The following DCDC2C variants were observed in gnomAD, a reference collection of about 807,000 sequenced individuals.
DCDC2C encodes the protein doublecortin domain-containing protein 2C.
Under a neutral mutation model 45.0 loss-of-function variants are expected in DCDC2C, and 44 were observed. The observed-to-expected ratio is 0.98, with a 90% CI of 0.77 to 1.26. The LOEUF is 1.26. DCDC2C is among the 50% of genes most tolerant of loss of function. DCDC2C has a pLI of 0.00. For missense variants in DCDC2C, 447 were observed against 468.9 expected, an observed-to-expected ratio of 0.95 and a Z score of 0.43; for synonymous variants, 187 against 178.8, an observed-to-expected ratio of 1.05 and a Z score of -0.37.
chr2:3,819,116 C>T lies in DCDC2C; in HGVS notation c.1066-28038C>T, dbSNP rs571106055. On this transcript the variant is annotated intron_variant, in intron 10 of 10. Coordinates refer to ENST00000399143, the MANE Select transcript of DCDC2C (RefSeq NM_001287444.2). ...CCTCCACTCTAAGAGTTACCCAGAG[C>T]GTCTGTGATGGTCCAGGAAGCTTCC... Among the ~76,000 whole-genome samples the T allele has an allele frequency of 7.2e-5, 11 of 152,274 alleles. No individual in the cohort carries two copies. In the South Asian group the frequency reaches 1.0e-3, roughly 14 times the overall value.
intron 10 of DCDC2C, among the ~76,000 whole-genome samples, chr2:3,840,440 AAAAT>A (rs1166765112): frequency 6.6e-6 from 1 of 152,234 alleles, no homozygotes; most frequent in Admixed American, 6.5e-5. Context: ...TGGGGGAAGA[AAAAT>A]AAGATAAAAA....
chr2:3,834,827 ATGGAGT>A (rs1672036983), intron 10 of DCDC2C, among the ~76,000 whole-genome samples: 2 of 152,160 alleles, frequency 1.3e-5, no homozygotes, highest in African/African-American at 4.8e-5. Flanking sequence ...ATCAAGTGGG[ATGGAGT>A]GAGGATGGCT....
chr2:3,740,257 A>G (rs559823423), intron 3 of DCDC2C, among the ~76,000 whole-genome samples: 1 of 152,354 alleles, frequency 6.6e-6, no homozygotes, highest in South Asian at 2.1e-4. Context: ...TTTTGACTTC[A>G]TACATAATTC....
At chr2:3,834,916 T>C (rs570001770) in intron 10 of DCDC2C, among the ~76,000 whole-genome samples, 1 of 152,332 alleles carries the variant, frequency 6.6e-6, no homozygotes, top group Non-Finnish European at 1.5e-5. Context: ...TCTTTCTTTT[T>C]ATCCTCATGT....
intron 10 of DCDC2C, among the ~76,000 whole-genome samples, chr2:3,808,261 C>T (rs1671304161): frequency 1.3e-5 from 2 of 152,178 alleles, no homozygotes. Flanking sequence ...TGTGATTTTA[C>T]TTTGCATTTC....
intron 6 of DCDC2C, among the ~76,000 whole-genome samples, chr2:3,766,488 C>G (rs1055296194): frequency 1.4e-4 from 22 of 152,274 alleles, no homozygotes; most frequent in Middle Eastern, 6.8e-3. Context: ...ACCAGTTCTG[C>G]TAAGATCTCA....
chr2:3,753,753 G>A (rs533011379), intron 5 of DCDC2C, among the ~76,000 whole-genome samples: 37 of 152,204 alleles, frequency 2.4e-4, no homozygotes, highest in Admixed American at 1.2e-3. Flanking sequence ...AGGGCGCAGC[G>A]TCCGGGATGG....
At chr2:3,843,710 T>C (rs1672267188) in intron 10 of DCDC2C, among the ~76,000 whole-genome samples, 1 of 152,328 alleles carries the variant, frequency 6.6e-6, no homozygotes, top group African/African-American at 2.4e-5. Context: ...CTTTTTCATT[T>C]TACTAAAAAT....
intron 10 of DCDC2C, among the ~76,000 whole-genome samples, chr2:3,791,037 G>A (rs1048882487): frequency 2.0e-5 from 3 of 152,106 alleles, no homozygotes; most frequent in East Asian, 1.9e-4. Context: ...GTGAACCCGC[G>A]AGGCAGAGCT....
chr2:3,730,458 A>G (rs1572567039), intron 3 of DCDC2C, among the ~76,000 whole-genome samples: 1 of 152,152 alleles, frequency 6.6e-6, no homozygotes, highest in Admixed American at 6.5e-5. Flanking sequence ...GCTTGAGACC[A>G]TCATTACGAC....
intron 10 of DCDC2C, among the ~76,000 whole-genome samples, chr2:3,844,983 T>C (rs1672294025): frequency 6.6e-6 from 1 of 152,226 alleles, no homozygotes; most frequent in South Asian, 2.1e-4. Flanking sequence ...TTTTTATCTA[T>C]ACACAACACA....
intron 10 of DCDC2C, among the ~76,000 whole-genome samples, chr2:3,812,211 CT>C (rs56779860): frequency 0.17 from 23,192 of 140,502 alleles, 1,813 homozygotes; most frequent in East Asian, 0.3. Flanking sequence ...TGGTCCTGGG[CT>C]TTTTTTTTTT....
intron 10 of DCDC2C, among the ~76,000 whole-genome samples, chr2:3,788,802 C>T (rs974014847): frequency 5.2e-5 from 3 of 57,642 alleles, no homozygotes; most frequent in African/African-American, 8.6e-5. Context: ...CCCTTCCTTC[C>T]CTCCCTTCCT....
At chr2:3,807,834 G>C (rs1572632701) in intron 10 of DCDC2C, among the ~76,000 whole-genome samples, 2 of 152,066 alleles carry the variant, frequency 1.3e-5, no homozygotes, top group East Asian at 3.9e-4. Context: ...TGGAGCATAC[G>C]CGCCTCTGTC....
At chr2:3,813,638 A>ATTT (rs376430001) in intron 10 of DCDC2C, among the ~76,000 whole-genome samples, 13,564 of 135,420 alleles carry the variant, frequency 0.1, 1,250 homozygotes, top group African/African-American at 0.24. Flanking sequence ...TTCTTGTTGA[A>ATTT]TTTTTTTTTT....
chr2:3,744,461 G>A (rs569596755), intron 4 of DCDC2C, among the ~76,000 whole-genome samples: 39 of 152,322 alleles, frequency 2.6e-4, no homozygotes, highest in African/African-American at 7.2e-4. Context: ...CTAATGAGGT[G>A]TGAAGGACTG....
Position 3,762,162 on chromosome 2 carries a change from C to CTTT in DCDC2C, c.727-5579_727-5577dup, listed in dbSNP as rs56067833. On this transcript the variant is annotated intron_variant, in intron 6 of 10. Coordinates refer to ENST00000399143, the MANE Select transcript of DCDC2C (RefSeq NM_001287444.2). ...TTGATCCATGTTTTCTTGCTTGAAC[C>CTTT]TTTTTTTTTTTTTTTAACCAAGTGC... 3.9e-5 allele frequency among the ~76,000 whole-genome samples: 5 copies of CTTT among 127,670 alleles called. 1 individual carries two copies. Among genetic ancestry groups the CTTT allele is most frequent in the Non-Finnish European group, 6.4e-5 (4 of 62,276 alleles). The allele number at this position is 127,670 out of a possible 152,430, so 83.8% of individuals were successfully genotyped here.
intron 10 of DCDC2C, among the ~76,000 whole-genome samples, chr2:3,807,052 T>C (rs888508901): frequency 4.0e-5 from 6 of 150,716 alleles, no homozygotes; most frequent in African/African-American, 1.5e-4. Flanking sequence ...CAGAGTGTAT[T>C]ATCTTGGGAC....
chr2:3,711,570 CAT>C (rs1031958091), intron 2 of DCDC2C, among the ~76,000 whole-genome samples: 29 of 152,310 alleles, frequency 1.9e-4, no homozygotes, highest in African/African-American at 7.0e-4. Flanking sequence ...ACTATAGCCT[CAT>C]AGAGTGAGTG....
Sources: gnomAD v4.1 joint callset for allele counts (sites outside exome capture counted in the v4.1 genomes callset) on GRCh38, gnomAD v4.1.1 for gene constraint, MANE v1.5 for transcripts, NCBI Gene and HGNC (gene_info 2026-07-23, HGNC 2026-07-21) for gene names.